The following NFATC1 variants were observed in gnomAD, a reference collection of about 807,000 sequenced individuals.
NFATC1 encodes the protein nuclear factor of activated T-cells, cytoplasmic 1.
Under a neutral mutation model 76.0 loss-of-function variants are expected in NFATC1, and 22 were observed. The observed-to-expected ratio is 0.29, with a 90% CI of 0.21 to 0.41. The LOEUF is 0.41. Among genes scored for constraint, NFATC1 ranks in the 10% least tolerant of loss-of-function variants. NFATC1 has a pLI of 1.00. For missense variants in NFATC1, 1,357 were observed against 1,337.7 expected, an observed-to-expected ratio of 1.01 and a Z score of -0.23; for synonymous variants, 704 against 613.1, an observed-to-expected ratio of 1.15 and a Z score of -2.19.
Position 79,486,925 on chromosome 18 carries a change from T to G in NFATC1, c.2770T>G (p.Tyr924Asp), listed in dbSNP as rs1475693261. Residue 924 changes from tyrosine (Y) to aspartate (D), a missense_variant, in exon 9 of 10, where the codon TAC (tyrosine) becomes GAC (aspartate). Physicochemically the swap from Tyr to Asp is radical, Grantham distance 160. Coordinates refer to ENST00000427363, the MANE Select transcript of NFATC1 (RefSeq NM_001278669.2). The stretch of plus-strand genomic sequence containing the variant: ...AGAGCCTGAAGAGTTGGACCAGTTG[T>G]ACCTGGATGACGGTGAGTGCCCGCA... ...KREPEELDQL[Y>D]LDDVNEIIRN... is the part of the protein sequence containing the mutation. The G allele has an allele frequency of 1.9e-6, 3 of 1,595,606 alleles. No homozygotes were observed. The highest frequency in any genetic ancestry group is 2.2e-5 in the East Asian group (1 of 44,458).
At chr18:79,454,281 G>A (rs932653564) in intron 6 of NFATC1, among the ~76,000 whole-genome samples, 4 of 152,226 alleles carry the variant, frequency 2.6e-5, no homozygotes, top group African/African-American at 9.6e-5. Context: ...GCTCCACCCT[G>A]TCCTTCTCTG....
chr18:79,525,851 C>T (rs1357958248), intron 9 of NFATC1, among the ~76,000 whole-genome samples: 3 of 152,214 alleles, frequency 2.0e-5, no homozygotes, highest in Admixed American at 6.5e-5. Flanking sequence ...CCTCCTGCCT[C>T]TTTGCAGACG....
In NFATC1 at chr18:79,396,139, T is replaced by G. The variant is rs1197619713; in HGVS notation, c.-86T>G. ...GCTGAGCCCGGGGCGAGGGCTGTCT[T>G]CCCGGAGACCCGACCCCGGCAGCGC... On this transcript the variant is annotated 5_prime_UTR_variant, in exon 1 of 10. Coordinates refer to ENST00000427363, the MANE Select transcript of NFATC1 (RefSeq NM_001278669.2). The G allele has an allele frequency of 3.9e-6, 5 of 1,291,520 alleles. No homozygotes were observed. Among genetic ancestry groups the G allele is most frequent in the Non-Finnish European group, 5.0e-6 (5 of 1,006,442 alleles). The allele number at this position is 1,291,520 out of a possible 1,614,324, so 80.0% of individuals were successfully genotyped here. A position where few individuals can be genotyped will look rare whatever the true frequency, so the allele number is the denominator to read the frequency against.
intron 2 of NFATC1, among the ~76,000 whole-genome samples, chr18:79,427,064 G>A (rs185519542): frequency 2.0e-3 from 301 of 152,294 alleles, no homozygotes; most frequent in African/African-American, 6.8e-3. Flanking sequence ...CTCTGGGTGC[G>A]GCTGTGGCCA....
intron 9 of NFATC1, among the ~76,000 whole-genome samples, chr18:79,488,249 G>GGT (rs371379368): frequency 6.6e-6 from 1 of 151,152 alleles, no homozygotes; most frequent in African/African-American, 2.5e-5. Flanking sequence ...CCACAGCCCT[G>GGT]GTGTGTGTGT....
chr18:79,442,073 C>T (rs1225125916), intron 3 of NFATC1, among the ~76,000 whole-genome samples: 2 of 152,090 alleles, frequency 1.3e-5, no homozygotes, highest in Non-Finnish European at 2.9e-5. Flanking sequence ...GCCTCCAGGT[C>T]GAGGTGGGAA....
chr18:79,469,408 GCGTGCCTGCCCTTCACAGGTGGGA>G, intron 8 of NFATC1: 2 of 985,494 alleles, frequency 2.0e-6, no homozygotes, highest in Non-Finnish European at 2.4e-6. Context: ...CGTGCGGGGA[GCGTGCCTGCCCTTCACAGGTGGGA>G]GGTGGCGGCC....
chr18:79,457,318 T>G (rs1233474485), intron 6 of NFATC1, among the ~76,000 whole-genome samples: 1 of 152,110 alleles, frequency 6.6e-6, no homozygotes, highest in African/African-American at 2.4e-5. Flanking sequence ...CCCCTAGAAT[T>G]GAGTGATGAC....
intron 8 of NFATC1, chr18:79,467,957 T>G: frequency 9.7e-7 from 1 of 1,033,152 alleles, no homozygotes; most frequent in Non-Finnish European, 1.2e-6. Context: ...TAGGTATAGC[T>G]ATTTTGCAGG....
chr18:79,503,831 TCTC>T (rs1180103305), intron 9 of NFATC1, among the ~76,000 whole-genome samples: 1 of 152,242 alleles, frequency 6.6e-6, no homozygotes, highest in Non-Finnish European at 1.5e-5. Context: ...CTCAGCCAGA[TCTC>T]CTGGAGAACT....
At chr18:79,484,029 T>TTCCTGGGGTGTCATTCCAGGGTGACCTGG (rs1288893306) in intron 8 of NFATC1, among the ~76,000 whole-genome samples, 1 of 150,098 alleles carries the variant, frequency 6.7e-6, no homozygotes, top group Non-Finnish European at 1.5e-5. Flanking sequence ...CGTGACCTGG[T>TTCCTGGGGTGTCATTCCAGGGTGACCTGG]TCCTGGGGTG....
chr18:79,445,161 C>T (rs955660094), intron 3 of NFATC1, among the ~76,000 whole-genome samples: 3 of 152,198 alleles, frequency 2.0e-5, no homozygotes, highest in Non-Finnish European at 4.4e-5. Flanking sequence ...GTAAAGTCTC[C>T]CTGGAGCATC....
In NFATC1 at chr18:79,451,616, C is replaced by T. The variant is rs972050048; in HGVS notation, c.1763-60C>T. The T allele has an allele frequency of 3.8e-5, 55 of 1,448,504 alleles. 1 individual carries two copies. The highest frequency in any genetic ancestry group is 3.3e-4 in the African/African-American group (23 of 69,756). 89.7% of individuals were successfully genotyped at this position (1,448,504 alleles called of 1,614,324 possible). ...CACGTGTGACCTGCTGGGTGCCACA[C>T]GTGTGCCCCAGGCCGCCCACTCAGG... On this transcript the variant is annotated intron_variant, in intron 5 of 9. Coordinates refer to ENST00000427363, the MANE Select transcript of NFATC1 (RefSeq NM_001278669.2).
At chr18:79,397,836 T>G (rs1160832852) in intron 1 of NFATC1, among the ~76,000 whole-genome samples, 1 of 152,164 alleles carries the variant, frequency 6.6e-6, no homozygotes, top group South Asian at 2.1e-4. Flanking sequence ...CTAGTTTTCG[T>G]GTTTCCTACT....
chr18:79,523,824 CCTT>C (rs1350932076), intron 9 of NFATC1: 2 of 152,238 alleles, frequency 1.3e-5, no homozygotes, highest in Middle Eastern at 3.4e-3. Flanking sequence ...AAAAAGCCCT[CCTT>C]ATTAAATTAA....
In NFATC1 at chr18:79,461,346, G is replaced by C; in HGVS notation, c.1939G>C (p.Asp647His). The part of the protein sequence containing the change: ...HHVWEMEAKT[D>H]RDLCKPNSLV... ...TGTCTGGGAGATGGAAGCGAAAACT[G>C]ACCGGGACCTGTGCAAGCCGGTGAG... is the stretch of plus-strand genomic sequence containing the variant. Residue 647 changes from aspartate to histidine, a missense_variant, in exon 7 of 10, where the codon GAC (aspartate) becomes CAC (histidine). This residue lies in a region of NFATC1 where 242 missense variants were observed against 329.2 expected (regional missense o/e 0.74). Transcript: ENST00000427363. The C allele has an allele frequency of 1.3e-6, 2 of 1,489,348 alleles. No individual in the cohort carries two copies. The highest frequency in any genetic ancestry group is 6.1e-5 in the East Asian group (2 of 32,554). The allele number at this position is 1,489,348 out of a possible 1,614,324, so 92.3% of individuals were successfully genotyped here. A position where few individuals can be genotyped will look rare whatever the true frequency, so the allele number is the denominator to read the frequency against.
At chr18:79,396,480 C>A in intron 1 of NFATC1, 129 bp downstream of exon 1, 1 of 495,634 alleles carries the variant, frequency 2.0e-6, no homozygotes, top group Non-Finnish European at 2.8e-6. Context: ...CGGGTCTGTG[C>A]GCCCAGGGAG....
chr18:79,476,377 G>A (rs763217228), intron 8 of NFATC1, among the ~76,000 whole-genome samples: 23 of 152,384 alleles, frequency 1.5e-4, no homozygotes, highest in Non-Finnish European at 2.6e-4. Context: ...CAGCGCGGGC[G>A]AGGATTGGCG....
intron 3 of NFATC1, among the ~76,000 whole-genome samples, chr18:79,444,788 C>A (rs555787499): frequency 1.0e-3 from 149 of 147,840 alleles, no homozygotes; most frequent in African/African-American, 3.2e-3. Flanking sequence ...CAGGCACCCC[C>A]GTGGCCACAC....
Sources: allele counts gnomAD v4.1 joint callset (sites outside exome capture counted in the v4.1 genomes callset), GRCh38; gene constraint gnomAD v4.1.1; regional missense constraint gnomAD v4.1.1; transcripts MANE v1.5; gene names NCBI Gene and HGNC (gene_info 2026-07-23, HGNC 2026-07-21).